The following RANBP2 variants were observed in gnomAD, a reference collection of about 807,000 sequenced individuals.
The protein encoded by RANBP2 is RAN binding protein 2, also known as E3 SUMO-protein ligase RanBP2.
Under a neutral mutation model 303.6 loss-of-function variants are expected in RANBP2, and 57 were observed. The ratio of observed to expected loss-of-function variants is 0.19; its 90% CI spans 0.15 to 0.23. The LOEUF (loss-of-function observed/expected upper bound fraction) is 0.23, where lower values mean the gene tolerates loss of function less well. Among genes scored for constraint, RANBP2 ranks in the 10% least tolerant of loss-of-function variants. RANBP2 has a pLI of 1.00. For synonymous variants in RANBP2, 1,167 were observed against 1,301.5 expected (o/e 0.90, Z 2.23); for missense variants, 3,138 against 3,780.8 (o/e 0.83, Z 4.46).
Position 108,740,546 on chromosome 2 carries a change from T to C in RANBP2, c.840T>C (p.Ala280=). 4 of 1,597,598 alleles carry C rather than the reference T, an allele frequency of 2.5e-6. No homozygotes were observed. The highest frequency in any genetic ancestry group is 2.5e-6 in the Non-Finnish European group (3 of 1,179,788). Residue 280 remains alanine, a synonymous_variant, in exon 7 of 29, where the codon GCT becomes GCC. Coordinates refer to ENST00000283195, the MANE Select transcript of RANBP2 (RefSeq NM_006267.5). ...TGGGTGGAAATGATGAACTGTCAGC[T>C]ACTTTCTTAGAAATGAAAGGACATT... is the stretch of plus-strand genomic sequence containing the variant. The part of the protein sequence containing the change: ...KSLGGNDELS[A]TFLEMKGHFY...
At chr2:109,034,153 C>G in the RANBP2 span, among the ~76,000 whole-genome samples, 6,985 of 151,008 alleles carry the variant, frequency 0.046, 266 homozygotes, top group African/African-American at 0.098. Flanking sequence ...ACCTATAGTC[C>G]CAGCTACTCG....
the RANBP2 span, among the ~76,000 whole-genome samples, chr2:108,947,587 C>G: frequency 6.6e-6 from 1 of 152,160 alleles, no homozygotes; most frequent in African/African-American, 2.4e-5. Context: ...TCTTCTGCAC[C>G]CCCGCAGTCC....
the RANBP2 span, chr2:109,129,948 C>G: frequency 6.8e-7 from 1 of 1,469,838 alleles, no homozygotes; most frequent in Non-Finnish European, 8.9e-7. Flanking sequence ...GCAGCCCGCC[C>G]GCGCGTCCCA....
At chr2:109,469,462 G>A in the RANBP2 span, among the ~76,000 whole-genome samples, 1 of 152,232 alleles carries the variant, frequency 6.6e-6, no homozygotes, top group African/African-American at 2.4e-5. Context: ...AGTAATGCCT[G>A]TTGTGCAGGG....
At chr2:109,516,252 A>T in the RANBP2 span, among the ~76,000 whole-genome samples, 1 of 152,174 alleles carries the variant, frequency 6.6e-6, no homozygotes, top group Non-Finnish European at 1.5e-5. Context: ...GAAGGACCTA[A>T]GTCCCACCCC....
chr2:109,171,536 C>G, the RANBP2 span, among the ~76,000 whole-genome samples: 1 of 152,252 alleles, frequency 6.6e-6, no homozygotes, highest in African/African-American at 2.4e-5. Flanking sequence ...TGGCTTCGCC[C>G]GCGGCGGGCC....
the RANBP2 span, among the ~76,000 whole-genome samples, chr2:109,455,090 C>T: frequency 6.6e-6 from 1 of 152,210 alleles, no homozygotes; most frequent in Non-Finnish European, 1.5e-5. Context: ...TGGGGCCACA[C>T]AGCATCGGCA....
downstream of RANBP2, chr2:108,788,875 G>A (rs1679423321): frequency 6.2e-7 from 1 of 1,614,088 alleles, no homozygotes; most frequent in African/African-American, 1.3e-5. Context: ...CTACTCTGGA[G>A]ATAAAGTTGG....
the RANBP2 span, among the ~76,000 whole-genome samples, chr2:108,983,303 T>C: frequency 6.6e-6 from 1 of 152,178 alleles, no homozygotes; most frequent in Non-Finnish European, 1.5e-5. Context: ...ACCTTGAGAC[T>C]CCTCTAAAGT....
chr2:109,332,966 C>T, the RANBP2 span, among the ~76,000 whole-genome samples: 4 of 152,226 alleles, frequency 2.6e-5, no homozygotes. Flanking sequence ...GTGGTCCCAA[C>T]ATCAGCAGGA....
chr2:108,978,024 G>A, the RANBP2 span, among the ~76,000 whole-genome samples: 1 of 152,230 alleles, frequency 6.6e-6, no homozygotes, highest in Non-Finnish European at 1.5e-5. Flanking sequence ...TTCATCCACA[G>A]AACAGGGCTG....
chr2:109,614,084 C>G, the RANBP2 span: 1 of 1,211,444 alleles, frequency 8.3e-7, no homozygotes, highest in Admixed American at 4.4e-5. Context: ...ACCCTCGACG[C>G]CTGAGGACTG....
At chr2:108,984,472 CCTT>C in the RANBP2 span, among the ~76,000 whole-genome samples, 6 of 152,146 alleles carry the variant, frequency 3.9e-5, no homozygotes, top group Admixed American at 3.3e-4. Context: ...CCTCTCCTCT[CCTT>C]CTGTTCAACC....
chr2:109,332,812 C>A, the RANBP2 span, among the ~76,000 whole-genome samples: 2 of 152,182 alleles, frequency 1.3e-5, no homozygotes, highest in African/African-American at 4.8e-5. Flanking sequence ...TCGGAATCAC[C>A]CTTTTTAACG....
chr2:109,059,373 A>G, the RANBP2 span, among the ~76,000 whole-genome samples: 1 of 152,152 alleles, frequency 6.6e-6, no homozygotes, highest in Non-Finnish European at 1.5e-5. Flanking sequence ...CAGGAGACCA[A>G]GACCATCCTG....
chr2:109,085,314 A>AT, the RANBP2 span, among the ~76,000 whole-genome samples: 6 of 151,868 alleles, frequency 4.0e-5, no homozygotes, highest in East Asian at 1.9e-4. Flanking sequence ...CCATTTATTT[A>AT]TTTTTTTTAG....
At chr2:109,187,101 CTT>C in the RANBP2 span, among the ~76,000 whole-genome samples, 8 of 149,796 alleles carry the variant, frequency 5.3e-5, no homozygotes, top group African/African-American at 1.9e-4. Context: ...TGACCACACT[CTT>C]TGCTGGCTCC....
Position 108,766,051 on chromosome 2 carries a change from G to C in RANBP2, c.5512G>C (p.Gly1838Arg). 6.2e-7 allele frequency: 1 copy of C among 1,614,144 alleles called. No individual in the cohort carries two copies. Among genetic ancestry groups the C allele is most frequent in the Non-Finnish European group, 8.5e-7 (1 of 1,180,008 alleles). ...KLHDSSGSQV[G>R]TGFKSNFSEK... The stretch of plus-strand genomic sequence containing the variant: ...GCATGACTCTTCTGGAAGTCAGGTG[G>C]GAACAGGATTTAAAAGTAATTTCTC... Residue 1838 changes from glycine to arginine, a missense_variant, in exon 20 of 29, where the codon GGA (glycine) becomes CGA (arginine). Transcript: ENST00000283195.
rs1677179407 is a variant in RANBP2 at position 108,767,220 on chromosome 2, T to C, written c.6681T>C (p.Tyr2227=). ...NTGPTLEWDN[Y]DLREDALDDS... Reference sequence around the variant, plus strand: ...GGCCCACATTAGAATGGGATAACTATGATTTAAGGGAAGATGCTTTGGATG... The same window carrying C: ...GGCCCACATTAGAATGGGATAACTACGATTTAAGGGAAGATGCTTTGGATG... Residue 2227 remains tyrosine, a synonymous_variant, in exon 20 of 29, where the codon TAT becomes TAC. Transcript: ENST00000283195. 6.2e-7 allele frequency: 1 copy of C among 1,612,022 alleles called. No individual in the cohort carries two copies. The highest frequency in any genetic ancestry group is 8.5e-7 in the Non-Finnish European group (1 of 1,179,862).
Sources: allele counts gnomAD v4.1 joint callset (sites outside exome capture counted in the v4.1 genomes callset), GRCh38; gene constraint gnomAD v4.1.1; transcripts MANE v1.5; gene names NCBI Gene and HGNC (gene_info 2026-07-23, HGNC 2026-07-21).